The following POU2F2 variants were observed in gnomAD, a reference collection of about 807,000 sequenced individuals.
The protein encoded by POU2F2 is POU class 2 homeobox 2, also known as POU domain, class 2, transcription factor 2.
In POU2F2, 14 loss-of-function variants were observed where a neutral mutation model predicts 63.5. The observed-to-expected ratio is 0.22, with a 90% CI of 0.15 to 0.34. The LOEUF (loss-of-function observed/expected upper bound fraction) is 0.34. Ranked by LOEUF, POU2F2 falls within the 10% of genes least tolerant of loss-of-function variation. POU2F2 has a pLI of 1.00. For synonymous variants in POU2F2, 306 were observed against 348.6 expected (o/e 0.88, Z 1.36); for missense variants, 607 against 815.2 (o/e 0.74, Z 3.11).
intron 2 of POU2F2, among the ~76,000 whole-genome samples, chr19:42,140,285 G>C (rs1292758610): frequency 6.6e-6 from 1 of 152,144 alleles, no homozygotes; most frequent in Non-Finnish European, 1.5e-5. Flanking sequence ...ACTGGGCGCA[G>C]CACCAACTCT....
At chr19:42,098,791 T>C (rs2146354771) in intron 7 of POU2F2, among the ~76,000 whole-genome samples, 1 of 152,330 alleles carries the variant, frequency 6.6e-6, no homozygotes, top group African/African-American at 2.4e-5. Context: ...AAAAAAACTT[T>C]GAAATTCATA....
chr19:42,113,244 T>C (rs2031383520), intron 5 of POU2F2, among the ~76,000 whole-genome samples: 2 of 152,348 alleles, frequency 1.3e-5, no homozygotes, highest in South Asian at 4.1e-4. Flanking sequence ...TTTCAATCAA[T>C]GCCTGCCCCT....
At chr19:42,101,279 A>G (rs1568991096) in intron 5 of POU2F2, among the ~76,000 whole-genome samples, 2 of 147,366 alleles carry the variant, frequency 1.4e-5, no homozygotes, top group South Asian at 4.7e-4. Flanking sequence ...CCACCCCCCA[A>G]AAAGGTAAGT....
chr19:42,093,744 A>C (rs2076818223), intron 12 of POU2F2, 85 bp downstream of exon 12: 1 of 1,381,328 alleles, frequency 7.2e-7, no homozygotes, highest in Non-Finnish European at 1.0e-6. Flanking sequence ...AGGCCCATGG[A>C]CACCCAGAGC....
Position 42,117,029 on chromosome 19 carries a change from G to A in POU2F2, c.369+221C>T. 1.5e-6 allele frequency: 1 copy of A among 652,814 alleles called. No homozygotes were observed. The highest frequency in any genetic ancestry group is 2.8e-6 in the Non-Finnish European group (1 of 361,946). The allele number at this position is 652,814 out of a possible 1,614,324, so 40.4% of individuals were successfully genotyped here. On this transcript the variant is annotated intron_variant, in intron 5 of 14. Coordinates refer to ENST00000692977, the MANE Select transcript of POU2F2 (RefSeq NM_001394376.1). This position sits in a 1 kb window ranked among gnomAD's most constrained non-coding sequence, Gnocchi z 4.4. ...AGCTGCGGGGTGTCGGGGACAGCAG[G>A]AATTGGAGCAAGGGGTTGAAGAGGA...
At chr19:42,129,750 C>T (rs1446450368) in intron 1 of POU2F2, among the ~76,000 whole-genome samples, 1 of 152,210 alleles carries the variant, frequency 6.6e-6, no homozygotes, top group African/African-American at 2.4e-5. Context: ...CACCCCTCCC[C>T]ACCCCACAGC....
upstream of POU2F2, among the ~76,000 whole-genome samples, chr19:42,135,028 A>T (rs1599642664): frequency 6.6e-6 from 1 of 150,914 alleles, no homozygotes; most frequent in Non-Finnish European, 1.5e-5. Flanking sequence ...CCTCTTGGCC[A>T]CCCCTGGGGA....
In POU2F2 at chr19:42,095,315, CTGGGCTGGGCAGCATGGGGGCCG is replaced by C; in HGVS notation, c.1145_1167del (p.Ala382GlyfsTer138). ...TGGGGGCTGTAGCTGGCCGGCTTCCCTGGGCTGGGCAGCATGGGGGCCGCACTGCAGGGGTTGATGCGTTTCTC... is the reference window on the plus strand; with the variant it reads ...TGGGGGCTGTAGCTGGCCGGCTTCCCCACTGCAGGGGTTGATGCGTTTCTC... On this transcript the variant is annotated frameshift_variant, in exon 11 of 15. Transcript: ENST00000692977. LOFTEE classifies it high-confidence loss of function. This position sits in a 1 kb window ranked among gnomAD's most constrained non-coding sequence, Gnocchi z 7.1. The C allele has an allele frequency of 6.2e-7, 1 of 1,613,796 alleles. No individual in the cohort carries two copies. Among genetic ancestry groups the C allele is most frequent in the Non-Finnish European group, 8.5e-7 (1 of 1,179,974 alleles).
intron 1 of POU2F2, among the ~76,000 whole-genome samples, chr19:42,182,980 A>G (rs2034978846): frequency 6.6e-6 from 1 of 152,184 alleles, no homozygotes; most frequent in African/African-American, 2.4e-5. Flanking sequence ...CAGAGAAGTG[A>G]GGGCCTGCTG....
chr19:42,107,643 G>A (rs894890770), intron 5 of POU2F2, among the ~76,000 whole-genome samples: 1 of 152,148 alleles, frequency 6.6e-6, no homozygotes, highest in Non-Finnish European at 1.5e-5. Flanking sequence ...AGAGGGACAT[G>A]CTATGGTTTG....
chr19:42,134,851 C>T (rs1002516293), upstream of POU2F2, among the ~76,000 whole-genome samples: 1 of 152,112 alleles, frequency 6.6e-6, no homozygotes, highest in Admixed American at 6.5e-5. Flanking sequence ...GTTTGACTCC[C>T]GACAAGACAA....
Position 42,093,903 on chromosome 19 carries a change from G to T in POU2F2, c.1198-8C>A. The T allele has an allele frequency of 6.2e-7, 1 of 1,606,102 alleles. No homozygotes were observed. Among genetic ancestry groups the T allele is most frequent in the Non-Finnish European group, 8.5e-7 (1 of 1,173,996 alleles). On this transcript the variant is annotated splice_region_variant and splice_polypyrimidine_tract_variant and intron_variant, in intron 11 of 14. Coordinates refer to ENST00000692977, the MANE Select transcript of POU2F2 (RefSeq NM_001394376.1). ...GCCCCCTTGGGGTGTGACCTGAGGA[G>T]AGAAGAAAGGAGGTGTGGTTAGCCA...
intron 1 of POU2F2, among the ~76,000 whole-genome samples, chr19:42,186,194 G>A (rs139497466): frequency 0.079 from 12,067 of 151,974 alleles, 670 homozygotes; most frequent in Middle Eastern, 0.18. Context: ...GTGTGGTGGC[G>A]GGCGTCTGTA....
chr19:42,106,042 T>TC (rs771070791), intron 5 of POU2F2, among the ~76,000 whole-genome samples: 3 of 150,676 alleles, frequency 2.0e-5, no homozygotes, highest in Non-Finnish European at 2.9e-5. Flanking sequence ...TTTCTTTCTT[T>TC]CTTTCTTTCT....
At chr19:42,170,513 A>G (rs943259698) in intron 1 of POU2F2, among the ~76,000 whole-genome samples, 14 of 152,236 alleles carry the variant, frequency 9.2e-5, no homozygotes, top group Admixed American at 4.6e-4. Context: ...AAACACACAC[A>G]CGGACCCAAA....
intron 1 of POU2F2, among the ~76,000 whole-genome samples, chr19:42,124,012 A>G (rs955402926): frequency 9.2e-5 from 14 of 152,264 alleles, no homozygotes; most frequent in African/African-American, 2.4e-4. Context: ...ATACTTAAAG[A>G]AGACAGCTAA....
At chr19:42,131,272 G>A (rs1278648550) in intron 1 of POU2F2, among the ~76,000 whole-genome samples, 2 of 151,952 alleles carry the variant, frequency 1.3e-5, no homozygotes, top group Non-Finnish European at 2.9e-5. Flanking sequence ...GGAGCTCCAG[G>A]AGGACAGACC....
At chr19:42,137,567 T>A (rs2034041479) in intron 2 of POU2F2, among the ~76,000 whole-genome samples, 1 of 151,694 alleles carries the variant, frequency 6.6e-6, no homozygotes, top group Non-Finnish European at 1.5e-5. Flanking sequence ...ACAAAAAAAA[T>A]TGTTTTAACT....
chr19:42,161,300 A>G (rs1019200638), intron 1 of POU2F2, among the ~76,000 whole-genome samples: 1 of 152,190 alleles, frequency 6.6e-6, no homozygotes, highest in African/African-American at 2.4e-5. Flanking sequence ...TCCAGATTGC[A>G]GGGGCTGCTC....
Sources: gnomAD v4.1 joint callset for allele counts (sites outside exome capture counted in the v4.1 genomes callset) on GRCh38, gnomAD v4.1.1 for gene constraint, Gnocchi (gnomAD v3.1) non-coding constraint, MANE v1.5 for transcripts, NCBI Gene and HGNC (gene_info 2026-07-23, HGNC 2026-07-21) for gene names.